The following ADGRF3 variants were observed in gnomAD, a reference collection of about 807,000 sequenced individuals.
The protein encoded by ADGRF3 is adhesion G protein-coupled receptor F3.
In ADGRF3, 85 loss-of-function variants were observed where a neutral mutation model predicts 93.2. The ratio of observed to expected loss-of-function variants is 0.91; its 90% confidence interval spans 0.77 to 1.09. The LOEUF (loss-of-function observed/expected upper bound fraction) is 1.09, where lower values mean the gene tolerates loss of function less well. Among genes scored for constraint, ADGRF3 ranks in the 50% least tolerant of loss-of-function variants. ADGRF3 has a pLI of 0.00. For synonymous variants in ADGRF3, 534 were observed against 532.5 expected (o/e 1.00, Z -0.04); for missense variants, 1,125 against 1,246.2 (o/e 0.90, Z 1.46).
At chr2:26,343,734 C>T (rs1333259009) in intron 1 of ADGRF3, among the ~76,000 whole-genome samples, 2 of 152,234 alleles carry the variant, frequency 1.3e-5, no homozygotes, top group Non-Finnish European at 2.9e-5. Flanking sequence ...TGAGCCACGG[C>T]GCCCGGCCCA....
intron 1 of ADGRF3, among the ~76,000 whole-genome samples, chr2:26,342,787 C>G (rs961833719): frequency 5.3e-5 from 8 of 152,100 alleles, no homozygotes; most frequent in Non-Finnish European, 5.9e-5. Context: ...AGCTGGGCTG[C>G]CTTAGGGAAA....
chr2:26,342,724 G>A (rs1241165755), intron 1 of ADGRF3, among the ~76,000 whole-genome samples: 1 of 152,220 alleles, frequency 6.6e-6, no homozygotes, highest in Admixed American at 6.5e-5. Flanking sequence ...TCAGGAATGT[G>A]GCGTGTAGAG....
At chr2:26,313,965 G>A (rs1362943058) in intron 6 of ADGRF3, 62 bp from the exon 7 acceptor site, 3 of 1,585,400 alleles carry the variant, frequency 1.9e-6, no homozygotes, top group Admixed American at 1.7e-5. Flanking sequence ...AACCCAGCAG[G>A]CTCTGACATG....
chr2:26,346,517 A>C lies in ADGRF3; in HGVS notation c.-283T>G. 4.1e-6 allele frequency: 2 copies of C among 482,232 alleles called. No individual in the cohort carries two copies. The highest frequency in any genetic ancestry group is 7.2e-6 in the Non-Finnish European group (2 of 275,996). 29.9% of individuals were successfully genotyped at this position (482,232 alleles called of 1,614,324 possible). On this transcript the variant is annotated 5_prime_UTR_variant, in exon 1 of 14. Transcript: ENST00000651242. ...CCCCCCGGGAGATTTCCTTTTCCTT[A>C]GGAGAGCGCTCAGTGATCATGGAGC...
At chr2:26,328,344 C>T (rs1382261108) in intron 1 of ADGRF3, among the ~76,000 whole-genome samples, 1 of 151,906 alleles carries the variant, frequency 6.6e-6, no homozygotes, top group African/African-American at 2.4e-5. Context: ...CGAGCTTTTG[C>T]TTCTGTAGAT....
chr2:26,314,642 G>C lies in ADGRF3; in HGVS notation c.719-19C>G. On this transcript the variant is annotated intron_variant, in intron 5 of 13. Transcript: ENST00000651242. The stretch of plus-strand genomic sequence containing the variant: ...TACTCACCTGCAGAAACGTGTGTGC[G>C]GCGCTATGTGGCTCCTCTGGGCCCC... 6.3e-7 allele frequency: 1 copy of C among 1,588,938 alleles called. No homozygotes were observed. Among genetic ancestry groups the C allele is most frequent in the Non-Finnish European group, 8.6e-7 (1 of 1,158,452 alleles).
Position 26,309,039 on chromosome 2 carries a change from A to C in ADGRF3, c.*47T>G. 1 of 1,613,882 alleles carries C rather than the reference A, an allele frequency of 6.2e-7. No individual in the cohort carries two copies. The highest frequency in any genetic ancestry group is 8.5e-7 in the Non-Finnish European group (1 of 1,179,790). On this transcript the variant is annotated 3_prime_UTR_variant, in exon 14 of 14. Transcript: ENST00000651242. ...GGCCAGGGCTCATCTGGTGGGTTCA[A>C]GCACACAGCCTCAACTCCCTTGCAG...
rs142624972 is a variant in ADGRF3 at position 26,314,565 on chromosome 2, C to T, written c.777G>A (p.Val259=). The change falls in exon 6 of 14, where the codon GTG becomes GTA. Residue 259 remains valine, a synonymous_variant. Coordinates refer to ENST00000651242, the MANE Select transcript of ADGRF3 (RefSeq NM_001321971.2). ...CATCTGTCGCCTTCAAGGGCACCCTCACCACCTCATACAGGTTCCACTTGA... is the reference window on the plus strand; with the variant it reads ...CATCTGTCGCCTTCAAGGGCACCCTTACCACCTCATACAGGTTCCACTTGA... The part of the protein sequence containing the change: ...QGFKWNLYEV[V]RVPLKATDVA... 164 of 1,613,948 alleles carry T rather than the reference C, an allele frequency of 1.0e-4. No homozygotes were observed. Among genetic ancestry groups the T allele is most frequent in the Middle Eastern group, 1.6e-4 (1 of 6,084 alleles).
Position 26,346,494 on chromosome 2 carries a change from C to T in ADGRF3, c.-260G>A, listed in dbSNP as rs184173476. ...AAGCCCGCCGCCCGTAGTCGGCACCCCCCGGGAGATTTCCTTTTCCTTAGG... is the reference window on the plus strand; with the variant it reads ...AAGCCCGCCGCCCGTAGTCGGCACCTCCCGGGAGATTTCCTTTTCCTTAGG... On this transcript the variant is annotated 5_prime_UTR_variant, in exon 1 of 14. Coordinates refer to ENST00000651242, the MANE Select transcript of ADGRF3 (RefSeq NM_001321971.2). The T allele has an allele frequency of 2.1e-4, 114 of 535,426 alleles. No individual in the cohort carries two copies. The highest frequency in any genetic ancestry group is 1.9e-3 in the African/African-American group (93 of 49,426). 33.2% of individuals were successfully genotyped at this position (535,426 alleles called of 1,614,324 possible).
At chr2:26,318,872 C>G in intron 1 of ADGRF3, 1 of 1,545,174 alleles carries the variant, frequency 6.5e-7, no homozygotes, top group Non-Finnish European at 8.8e-7. Flanking sequence ...TCCCCACTAC[C>G]TATCCTTTCA....
Position 26,313,033 on chromosome 2 carries a change from G to A in ADGRF3, c.1359C>T (p.Pro453=), listed in dbSNP as rs138768974. The A allele has an allele frequency of 1.9e-6, 3 of 1,613,942 alleles. No homozygotes were observed. The highest frequency in any genetic ancestry group is 1.3e-5 in the African/African-American group (1 of 74,944). The change falls in exon 9 of 14, where the codon CCC becomes CCT. Residue 453 remains proline, a synonymous_variant. Transcript: ENST00000651242. The stretch of plus-strand genomic sequence containing the variant: ...TGCTCAGCAGGGTCAGTAAGTCGGA[G>A]GGTGAACTTGCCTCTGCCGCCTGCC... ...LPGQAAEASS[P]SDLLTLLSTM...
intron 1 of ADGRF3, among the ~76,000 whole-genome samples, chr2:26,319,605 T>C (rs1289729390): frequency 1.4e-5 from 1 of 71,782 alleles, no homozygotes. Context: ...CTTCCTTCCT[T>C]CCTTCCTTCC....
In ADGRF3 at chr2:26,313,007, G is replaced by A; in HGVS notation, c.1385C>T (p.Thr462Ile). The A allele has an allele frequency of 2.5e-6, 4 of 1,614,020 alleles. No homozygotes were observed. The highest frequency in any genetic ancestry group is 3.4e-6 in the Non-Finnish European group (4 of 1,179,884). The change falls in exon 9 of 14, where the codon ACC becomes ATC. Residue 462 changes from threonine (T) to isoleucine (I), a missense_variant. Transcript: ENST00000651242. ...SPSDLLTLLSTMKYVAKVVAE... is the reference protein window; with the variant it reads ...SPSDLLTLLSIMKYVAKVVAE... ...CACCACCTTGGCCACGTATTTCATG[G>A]TGCTCAGCAGGGTCAGTAAGTCGGA... is the stretch of plus-strand genomic sequence containing the variant.
chr2:26,316,176 G>A, intron 4 of ADGRF3, 99 bp downstream of exon 4: 1 of 1,268,016 alleles, frequency 7.9e-7, no homozygotes, highest in Non-Finnish European at 1.1e-6. Context: ...AGCTGTGCTT[G>A]GACCAGCTGG....
In ADGRF3 at chr2:26,311,178, G is replaced by A; in HGVS notation, c.2346C>T (p.Phe782=). ...LCLAAAFLCH[F]LYLATFFWML... is the part of the protein sequence containing the mutation. The stretch of plus-strand genomic sequence containing the variant: ...TCCAGAAAAAGGTGGCCAGGTAGAG[G>A]AAATGACAGAGGAAGGCGGCAGCAA... The change falls in exon 10 of 14, where the codon TTC becomes TTT. Residue 782 remains phenylalanine, a synonymous_variant. Transcript: ENST00000651242. 6.3e-7 allele frequency: 1 copy of A among 1,598,286 alleles called. No homozygotes were observed. The highest frequency in any genetic ancestry group is 1.3e-5 in the African/African-American group (1 of 74,662).
At chr2:26,313,993 G>A in intron 6 of ADGRF3, 90 bp from the exon 7 acceptor site, 1 of 1,502,494 alleles carries the variant, frequency 6.7e-7, no homozygotes, top group Middle Eastern at 1.7e-4. Context: ...AGTCTTTCTA[G>A]CAATTCAGAA....
Position 26,315,438 on chromosome 2 carries a change from G to A in ADGRF3, c.718+84C>T. 2.1e-6 allele frequency: 3 copies of A among 1,400,568 alleles called. No individual in the cohort carries two copies. The Admixed American group carries it at 7.0e-5, about 32-fold the overall frequency. The allele number at this position is 1,400,568 out of a possible 1,614,324, so 86.8% of individuals were successfully genotyped here. A position where few individuals can be genotyped will look rare whatever the true frequency, so the allele number is the denominator to read the frequency against. Reference sequence around the variant, plus strand: ...AGGGAGGGAGGCGTGGGAAGAAGAGGTGAAGGAAAGCAGAGAAGGAAGACG... The same window carrying A: ...AGGGAGGGAGGCGTGGGAAGAAGAGATGAAGGAAAGCAGAGAAGGAAGACG... On this transcript the variant is annotated intron_variant, in intron 5 of 13. Coordinates refer to ENST00000651242, the MANE Select transcript of ADGRF3 (RefSeq NM_001321971.2).
At chr2:26,331,689 G>A (rs935989260) in intron 1 of ADGRF3, among the ~76,000 whole-genome samples, 4 of 152,124 alleles carry the variant, frequency 2.6e-5, no homozygotes, top group Admixed American at 1.3e-4. Flanking sequence ...ATGATTGTGC[G>A]CTGTACTGCT....
intron 1 of ADGRF3, among the ~76,000 whole-genome samples, chr2:26,345,129 C>A (rs1157189029): frequency 6.6e-6 from 1 of 152,094 alleles, no homozygotes; most frequent in African/African-American, 2.4e-5. Context: ...TGACTCTGGG[C>A]AGGCTGCCTA....
Sources: allele counts gnomAD v4.1 joint callset (sites outside exome capture counted in the v4.1 genomes callset), GRCh38; gene constraint gnomAD v4.1.1; transcripts MANE v1.5; gene names NCBI Gene and HGNC (gene_info 2026-07-23, HGNC 2026-07-21).